Variants in IGSF11 observed in about 807,000 individuals in gnomAD.
IGSF11 encodes the protein CXADR like 1.
In IGSF11, 22 loss-of-function variants were observed where a neutral mutation model predicts 41.0. The ratio of observed to expected loss-of-function variants is 0.54; its 90% confidence interval spans 0.38 to 0.77. The LOEUF is 0.77. Ranked by LOEUF, IGSF11 falls within the 30% of genes least tolerant of loss-of-function variation. The probability of loss-of-function intolerance (pLI) is 0.00; values close to 1 mark genes in which losing one functional copy is unlikely to be tolerated. For synonymous variants in IGSF11, 219 were observed against 201.3 expected (o/e 1.09, Z -0.74); for missense variants, 444 against 530.8 (o/e 0.84, Z 1.61).
chr3:119,111,706 C>T (rs1344297826), intron 1 of IGSF11, among the ~76,000 whole-genome samples: 1 of 152,166 alleles, frequency 6.6e-6, no homozygotes, highest in Non-Finnish European at 1.5e-5. Context: ...TCTGTTGTTT[C>T]CCCATCTTTG....
intron 1 of IGSF11, among the ~76,000 whole-genome samples, chr3:119,042,951 T>C (rs1398082028): frequency 3.9e-5 from 6 of 152,290 alleles, no homozygotes; most frequent in Non-Finnish European, 1.5e-5. Flanking sequence ...GCTTCCAAGA[T>C]GGCAGCAAGC....
intron 1 of IGSF11, among the ~76,000 whole-genome samples, chr3:118,935,700 T>C (rs1943219466): frequency 1.3e-5 from 2 of 151,936 alleles, no homozygotes; most frequent in South Asian, 4.2e-4. Flanking sequence ...TGGTGCAGGG[T>C]CTTCTTAGGC....
upstream of IGSF11, among the ~76,000 whole-genome samples, chr3:119,038,996 C>G (rs1941013298): frequency 6.6e-6 from 1 of 152,104 alleles, no homozygotes; most frequent in African/African-American, 2.4e-5. Context: ...CCAAAGGCTG[C>G]ACAAAGGAAG....
chr3:118,997,770 C>T (rs1167100829), intron 1 of IGSF11, among the ~76,000 whole-genome samples: 1 of 152,110 alleles, frequency 6.6e-6, no homozygotes. Flanking sequence ...CCCTAGATAG[C>T]TGTCTTAGGA....
At chr3:119,068,811 G>A (rs1296864549) in intron 1 of IGSF11, among the ~76,000 whole-genome samples, 1 of 151,580 alleles carries the variant, frequency 6.6e-6, no homozygotes, top group Non-Finnish European at 1.5e-5. Flanking sequence ...AAAGGACAAT[G>A]GTTTATTTAT....
At chr3:119,095,756 G>C (rs2076839196) in intron 1 of IGSF11, among the ~76,000 whole-genome samples, 1 of 152,162 alleles carries the variant, frequency 6.6e-6, no homozygotes, top group Non-Finnish European at 1.5e-5. Context: ...ACTAAACTTG[G>C]AGATTCAGCA....
At chr3:119,073,448 TG>T (rs2076436236) in intron 1 of IGSF11, among the ~76,000 whole-genome samples, 1 of 152,146 alleles carries the variant, frequency 6.6e-6, no homozygotes, top group African/African-American at 2.4e-5. Flanking sequence ...CATGGTGCCA[TG>T]GAGCAGGTGG....
chr3:118,922,235 G>A (rs1395577556), intron 4 of IGSF11, among the ~76,000 whole-genome samples: 1 of 151,912 alleles, frequency 6.6e-6, no homozygotes, highest in Non-Finnish European at 1.5e-5. Flanking sequence ...TTGTTGCGAG[G>A]GCTTTCCTTG....
chr3:118,902,260 C>A lies in IGSF11; in HGVS notation c.*260G>T. 1 of 427,540 alleles carries A rather than the reference C, an allele frequency of 2.3e-6. No individual in the cohort carries two copies. Among genetic ancestry groups the A allele is most frequent in the Non-Finnish European group, 4.2e-6 (1 of 237,934 alleles). 26.5% of individuals were successfully genotyped at this position (427,540 alleles called of 1,614,324 possible). ...TTTAAGTACTATTCTGCTCTTGTATCTTTTTCCTTGGCTTGGCACATCTTT... is the reference window on the plus strand; with the variant it reads ...TTTAAGTACTATTCTGCTCTTGTATATTTTTCCTTGGCTTGGCACATCTTT... On this transcript the variant is annotated 3_prime_UTR_variant, in exon 7 of 7. Transcript: ENST00000393775.
In IGSF11 at chr3:119,104,469, C is replaced by T. The variant is rs1222044790; in HGVS notation, c.49+675G>A. 3.9e-5 allele frequency among the ~76,000 whole-genome samples: 6 copies of T among 152,160 alleles called. No individual in the cohort carries two copies. The South Asian group carries it at 1.0e-3, about 26-fold the overall frequency. ...ATTCACTTCTTAAATCTTAATAACC[C>T]TTCAGCTCTCAGCATAGTAATAATA... On this transcript the variant is annotated intron_variant, in intron 1 of 6. Transcript: ENST00000354673.
intron 1 of IGSF11, among the ~76,000 whole-genome samples, chr3:118,958,161 A>T (rs1054452410): frequency 7.9e-5 from 12 of 152,228 alleles, no homozygotes; most frequent in African/African-American, 2.9e-4. Flanking sequence ...ATTTCTGTAT[A>T]GTATTTCAGA....
intron 1 of IGSF11, among the ~76,000 whole-genome samples, chr3:119,004,304 G>C (rs1387978657): frequency 6.6e-6 from 1 of 151,422 alleles, no homozygotes; most frequent in Non-Finnish European, 1.5e-5. Context: ...GGGATCGGTG[G>C]TGATACCCCT....
intron 1 of IGSF11, among the ~76,000 whole-genome samples, chr3:119,140,068 A>G (rs2077620697): frequency 6.6e-6 from 1 of 152,176 alleles, no homozygotes; most frequent in African/African-American, 2.4e-5. Context: ...TATCTATTTA[A>G]CACAATAAAA....
At chr3:119,048,578 A>C (rs1322462000) in intron 1 of IGSF11, among the ~76,000 whole-genome samples, 1 of 152,142 alleles carries the variant, frequency 6.6e-6, no homozygotes, top group Non-Finnish European at 1.5e-5. Flanking sequence ...ACAAGGAGGA[A>C]CTGGTACCAT....
chr3:118,937,696 A>G (rs1943383714), intron 1 of IGSF11, among the ~76,000 whole-genome samples: 1 of 152,228 alleles, frequency 6.6e-6, no homozygotes, highest in Non-Finnish European at 1.5e-5. Context: ...CCATATCACA[A>G]TATATTTTAT....
chr3:118,918,667 A>T (rs1941431577), intron 4 of IGSF11, among the ~76,000 whole-genome samples: 1 of 116,770 alleles, frequency 8.6e-6, no homozygotes, highest in Non-Finnish European at 1.7e-5. Flanking sequence ...CAATATCGTG[A>T]AAATGGCCAT....
At chr3:119,119,779 A>G (rs1368844075) in intron 1 of IGSF11, among the ~76,000 whole-genome samples, 1 of 152,188 alleles carries the variant, frequency 6.6e-6, no homozygotes, top group Non-Finnish European at 1.5e-5. Context: ...GAGGGGGGTT[A>G]TCCTCAGGCA....
chr3:119,072,877 C>T (rs1233557376), intron 1 of IGSF11, among the ~76,000 whole-genome samples: 1 of 152,182 alleles, frequency 6.6e-6, no homozygotes, highest in Non-Finnish European at 1.5e-5. Context: ...TCTGGCCCCA[C>T]CCACATCCTG....
chr3:119,055,346 A>T (rs1941787746), intron 1 of IGSF11, among the ~76,000 whole-genome samples: 1 of 152,238 alleles, frequency 6.6e-6, no homozygotes, highest in East Asian at 1.9e-4. Context: ...TGACAAGTTG[A>T]GAGAAGAAGG....
Sources: gnomAD v4.1 joint callset for allele counts (sites outside exome capture counted in the v4.1 genomes callset) on GRCh38, gnomAD v4.1.1 for gene constraint, MANE v1.5 for transcripts, NCBI Gene and HGNC (gene_info 2026-07-23, HGNC 2026-07-21) for gene names.